NLGN1: variants seen among roughly 807,000 people sequenced by gnomAD.
The protein encoded by NLGN1 is neuroligin 1.
Under a neutral mutation model 65.5 loss-of-function variants are expected in NLGN1, and 12 were observed. The observed-to-expected ratio is 0.18, with a 90% CI of 0.12 to 0.30. NLGN1 has a LOEUF of 0.30. Ranked by LOEUF, NLGN1 falls within the 10% of genes least tolerant of loss-of-function variation. The probability of loss-of-function intolerance (pLI) is 1.00; values close to 1 mark genes in which losing one functional copy is unlikely to be tolerated. For synonymous variants in NLGN1, 350 were observed against 359.5 expected (o/e 0.97, Z 0.30); for missense variants, 750 against 1,007.1 (o/e 0.74, Z 3.46).
At chr3:173,914,925 AC>A (rs1333223056) in intron 4 of NLGN1, 4 of 152,214 alleles carry the variant, frequency 2.6e-5, no homozygotes, top group African/African-American at 9.6e-5. Flanking sequence ...ATGTGCCTGT[AC>A]TTGAATGGAG....
chr3:173,918,891 G>A (rs1380676320), intron 4 of NLGN1, among the ~76,000 whole-genome samples: 1 of 151,996 alleles, frequency 6.6e-6, no homozygotes, highest in African/African-American at 2.4e-5. Context: ...GGTGGCTCTA[G>A]TAGAGAATCT....
At chr3:174,223,567 C>T (rs1037637140) in intron 4 of NLGN1, among the ~76,000 whole-genome samples, 2 of 152,214 alleles carry the variant, frequency 1.3e-5, no homozygotes, top group African/African-American at 4.8e-5. Flanking sequence ...ACACCTGCCC[C>T]TGGCAACTCT....
At position 174,278,946 on chromosome 3, in the gene NLGN1, G is replaced by C. The variant is rs1303279049; in HGVS notation, c.945G>C (p.Met315Ile). 9 of 1,539,788 alleles carry C rather than the reference G, an allele frequency of 5.8e-6. 1 individual carries two copies. The highest frequency in any genetic ancestry group is 3.9e-5 in the South Asian group (3 of 77,842). The change falls in exon 6 of 7, where the codon ATG becomes ATC. Residue 315 changes from methionine to isoleucine, a missense_variant. Transcript: ENST00000457714. ...TTCAACCTGCAAAATATGCTAGAAT[G>C]TTGGCCACAAAAGTTGGTTGCAATG...
At chr3:173,729,777 A>G (rs188764679) in intron 3 of NLGN1, among the ~76,000 whole-genome samples, 40 of 152,218 alleles carry the variant, frequency 2.6e-4, no homozygotes, top group Non-Finnish European at 3.5e-4. Context: ...CAGGTCACTC[A>G]CAATATAAAT....
chr3:174,021,355 T>C (rs551088794), intron 4 of NLGN1, among the ~76,000 whole-genome samples: 31 of 152,242 alleles, frequency 2.0e-4, no homozygotes, highest in Middle Eastern at 6.8e-3. Flanking sequence ...ATATTCTATT[T>C]AAAGAACTTT....
chr3:173,750,691 T>G (rs753096214), intron 3 of NLGN1, among the ~76,000 whole-genome samples: 18 of 152,070 alleles, frequency 1.2e-4, no homozygotes, highest in Non-Finnish European at 1.9e-4. Flanking sequence ...AAATAGTGGT[T>G]AGTAGAGGTT....
intron 3 of NLGN1, among the ~76,000 whole-genome samples, chr3:173,742,368 A>T (rs375727323): frequency 6.6e-6 from 1 of 151,896 alleles, no homozygotes; most frequent in Non-Finnish European, 1.5e-5. Flanking sequence ...AATTGATTAA[A>T]TGTAATTAAC....
intron 4 of NLGN1, among the ~76,000 whole-genome samples, chr3:174,248,668 C>T (rs546073658): frequency 4.0e-4 from 61 of 152,128 alleles, no homozygotes; most frequent in Admixed American, 9.2e-4. Flanking sequence ...GGCTGAGACA[C>T]GAGAATCGCT....
At chr3:174,203,884 CA>C (rs1354943729) in intron 4 of NLGN1, among the ~76,000 whole-genome samples, 3 of 152,090 alleles carry the variant, frequency 2.0e-5, no homozygotes, top group Non-Finnish European at 4.4e-5. Flanking sequence ...AGACACAAAA[CA>C]AATTTCCTGG....
At chr3:174,231,064 G>A (rs1357836872) in intron 4 of NLGN1, among the ~76,000 whole-genome samples, 1 of 152,162 alleles carries the variant, frequency 6.6e-6, no homozygotes, top group Non-Finnish European at 1.5e-5. Flanking sequence ...ATCCCAAAGT[G>A]AGTTCTGTCT....
chr3:173,774,831 C>T (rs1462666844), intron 3 of NLGN1, among the ~76,000 whole-genome samples: 2 of 152,062 alleles, frequency 1.3e-5, no homozygotes, highest in Non-Finnish European at 2.9e-5. Context: ...CCCCAGCCCC[C>T]TCGCACGCAC....
At chr3:173,878,019 A>G (rs1732460089) in intron 4 of NLGN1, among the ~76,000 whole-genome samples, 1 of 152,042 alleles carries the variant, frequency 6.6e-6, no homozygotes, top group Non-Finnish European at 1.5e-5. Flanking sequence ...TAATAATGCT[A>G]CTTTAAACAC....
intron 2 of NLGN1, among the ~76,000 whole-genome samples, chr3:173,509,926 C>T (rs1364571330): frequency 6.6e-6 from 1 of 152,148 alleles, no homozygotes; most frequent in Non-Finnish European, 1.5e-5. Context: ...TGCTTGTAAA[C>T]TATGAGAAAT....
chr3:174,282,367 T>C (rs368110032), exon 7 of NLGN1: 29 of 152,156 alleles, frequency 1.9e-4, no homozygotes, highest in African/African-American at 6.8e-4. Flanking sequence ...TGCCCCCGTA[T>C]TACCACTCTG....
At chr3:173,553,356 C>T (rs562609619) in intron 2 of NLGN1, among the ~76,000 whole-genome samples, 1 of 152,262 alleles carries the variant, frequency 6.6e-6, no homozygotes, top group East Asian at 1.9e-4. Flanking sequence ...ATAGGAATGG[C>T]AATTACTCTT....
intron 4 of NLGN1, among the ~76,000 whole-genome samples, chr3:173,840,949 C>T (rs918398882): frequency 2.0e-5 from 3 of 152,150 alleles, no homozygotes; most frequent in African/African-American, 7.2e-5. Flanking sequence ...ACCTGTACAA[C>T]CTCATTTCTT....
At chr3:173,705,060 A>G (rs558939652) in intron 3 of NLGN1, among the ~76,000 whole-genome samples, 55 of 152,008 alleles carry the variant, frequency 3.6e-4, no homozygotes, top group African/African-American at 1.1e-3. Context: ...CAGATCTACA[A>G]TGTCAAATAT....
intron 4 of NLGN1, among the ~76,000 whole-genome samples, chr3:174,122,043 A>G (rs536965152): frequency 5.9e-5 from 9 of 152,296 alleles, no homozygotes; most frequent in African/African-American, 1.9e-4. Context: ...TCCTAAGTAA[A>G]GACTTCTCTT....
intron 3 of NLGN1, among the ~76,000 whole-genome samples, chr3:173,721,571 C>G (rs1005969425): frequency 2.6e-5 from 4 of 152,126 alleles, no homozygotes; most frequent in African/African-American, 9.7e-5. Context: ...AGTGCTTACT[C>G]TGTACTAGGT....
Sources: allele counts gnomAD v4.1 joint callset (sites outside exome capture counted in the v4.1 genomes callset), GRCh38; gene constraint gnomAD v4.1.1; transcripts MANE v1.5; gene names NCBI Gene and HGNC (gene_info 2026-07-23, HGNC 2026-07-21).